The following ZMIZ2 variants were observed in gnomAD, a reference collection of about 807,000 sequenced individuals.
ZMIZ2 encodes the protein zinc finger MIZ domain-containing protein 2.
Under a neutral mutation model 93.9 loss-of-function variants are expected in ZMIZ2, and 26 were observed. The ratio of observed to expected loss-of-function variants is 0.28; its 90% CI spans 0.20 to 0.38. ZMIZ2 has a LOEUF of 0.38. ZMIZ2 is among the 10% of genes least tolerant of loss of function. The pLI, the probability that ZMIZ2 is intolerant of heterozygous loss-of-function variation, is 1.00. For missense variants in ZMIZ2, 1,023 were observed against 1,235.0 expected (o/e 0.83, Z 2.57); for synonymous variants, 485 against 516.4 (o/e 0.94, Z 0.82).
chr7:44,761,394 A>C lies in ZMIZ2; in HGVS notation c.1241-55A>C. 6.3e-7 allele frequency: 1 copy of C among 1,591,294 alleles called. No homozygotes were observed. Among genetic ancestry groups the C allele is most frequent in the Non-Finnish European group, 8.5e-7 (1 of 1,172,462 alleles). On this transcript the variant is annotated intron_variant, in intron 9 of 18. Transcript: ENST00000309315. The surrounding 1 kb of genome is among the most constrained non-coding windows in gnomAD (Gnocchi z 5.8). ...GGAGCCGCTGCCCTCCTTGAGTGAC[A>C]CAAGACGCTCTGGCTGGGGCAACCC...
At chr7:44,758,307 G>A (rs998707766) in intron 6 of ZMIZ2, among the ~76,000 whole-genome samples, 199 bp downstream of exon 6, 24 of 151,772 alleles carry the variant, frequency 1.6e-4, no homozygotes, top group African/African-American at 2.2e-4. Flanking sequence ...TGGCGAAACC[G>A]TGTCTCTACA....
rs11323295 is a variant in ZMIZ2, at chr7:44,760,848, TAA to T, written c.1240+272_1240+273del. Among the ~76,000 whole-genome samples the T allele has an allele frequency of 5.0e-3, 679 of 136,034 alleles. 2 individuals carry two copies. Among genetic ancestry groups the T allele is most frequent in the Middle Eastern group, 7.6e-3 (2 of 264 alleles). The allele number at this position is 136,034 out of a possible 152,430, so 89.2% of individuals were successfully genotyped here. A position where few individuals can be genotyped will look rare whatever the true frequency, so the allele number is the denominator to read the frequency against. ...TGGGTCCCAAAGCAAGACCCTGTCT[TAA>T]AAAAAAAAAAAAAAAAGGCCAAGGA... On this transcript the variant is annotated intron_variant, in intron 9 of 18. Transcript: ENST00000309315.
rs1791666285 is a variant in ZMIZ2, at chr7:44,765,931, T to C, written c.2243-233T>C. ...GCGTGGTGCGTTTGTTTGTGGCTGCTCCCATTCCTATAACCTCCGAGACCT... is the reference window on the plus strand; with the variant it reads ...GCGTGGTGCGTTTGTTTGTGGCTGCCCCCATTCCTATAACCTCCGAGACCT... On this transcript the variant is annotated intron_variant, in intron 16 of 18. Transcript: ENST00000309315. This position sits in a 1 kb window ranked among gnomAD's most constrained non-coding sequence, Gnocchi z 4.1. 1 of 1,397,798 alleles carries C rather than the reference T, an allele frequency of 7.2e-7. No individual in the cohort carries two copies. Among genetic ancestry groups the C allele is most frequent in the African/African-American group, 1.5e-5 (1 of 68,808 alleles). The allele number at this position is 1,397,798 out of a possible 1,614,324, so 86.6% of individuals were successfully genotyped here.
chr7:44,764,380 C>T, intron 13 of ZMIZ2, 39 bp from the exon 14 acceptor site: 1 of 1,606,100 alleles, frequency 6.2e-7, no homozygotes, highest in Non-Finnish European at 8.5e-7. Flanking sequence ...CCTGTGCTAC[C>T]CACAATGAGA....
rs1791375912 is a variant in ZMIZ2, at chr7:44,763,154, G to T, written c.1703-102G>T. On this transcript the variant is annotated intron_variant, in intron 12 of 18. Transcript: ENST00000309315. This position sits in a 1 kb window ranked among gnomAD's most constrained non-coding sequence, Gnocchi z 5.6. ...TAGTTCCAGGTGGCCCCTCAGAGCTGTCAGTGGGTCAGTGACTGGGTCCCT... is the reference window on the plus strand; with the variant it reads ...TAGTTCCAGGTGGCCCCTCAGAGCTTTCAGTGGGTCAGTGACTGGGTCCCT... 6.5e-7 allele frequency: 1 copy of T among 1,537,124 alleles called. No homozygotes were observed. The highest frequency in any genetic ancestry group is 8.9e-7 in the Non-Finnish European group (1 of 1,129,562).
intron 6 of ZMIZ2, 124 bp downstream of exon 6, chr7:44,758,232 C>A: frequency 7.8e-7 from 1 of 1,287,494 alleles, no homozygotes; most frequent in Non-Finnish European, 1.0e-6. Flanking sequence ...GTAGTCCCTG[C>A]ACTTTGGGAA....
chr7:44,762,071 A>G (rs945276251), intron 11 of ZMIZ2, among the ~76,000 whole-genome samples, 166 bp downstream of exon 11: 1 of 152,276 alleles, frequency 6.6e-6, no homozygotes, highest in Middle Eastern at 3.4e-3. Context: ...GCACCATCAG[A>G]TCATGCCGCC....
chr7:44,751,399 T>C (rs544640931), intron 1 of ZMIZ2, among the ~76,000 whole-genome samples: 2 of 152,228 alleles, frequency 1.3e-5, no homozygotes, highest in Non-Finnish European at 2.9e-5. Context: ...GAGCTGGTTT[T>C]GATGTGCTGC....
At position 44,768,972 on chromosome 7, in the gene ZMIZ2, C is replaced by T. The variant is rs1397106434; in HGVS notation, c.*1349C>T. The T allele has an allele frequency of 6.6e-6, 1 of 152,668 alleles. No individual in the cohort carries two copies. Among genetic ancestry groups the T allele is most frequent in the African/African-American group, 2.4e-5 (1 of 41,474 alleles). 9.5% of individuals were successfully genotyped at this position (152,668 alleles called of 1,614,324 possible). A position where few individuals can be genotyped will look rare whatever the true frequency, so the allele number is the denominator to read the frequency against. ...GCATCCCAGGCTTGCCCAGGAGAGA[C>T]ATTTGCCACTATGTCACCTTATCTG... On this transcript the variant is annotated 3_prime_UTR_variant, in exon 19 of 19. Coordinates refer to ENST00000309315, the MANE Select transcript of ZMIZ2 (RefSeq NM_031449.4).
chr7:44,754,908 A>G (rs1790462223), intron 1 of ZMIZ2, among the ~76,000 whole-genome samples: 1 of 152,150 alleles, frequency 6.6e-6, no homozygotes, highest in South Asian at 2.1e-4. Flanking sequence ...AGAGGTGGAC[A>G]TGTCAGGTGG....
In ZMIZ2 at chr7:44,768,132, A is replaced by C; in HGVS notation, c.*509A>C. On this transcript the variant is annotated 3_prime_UTR_variant, in exon 19 of 19. Transcript: ENST00000309315. ...AGTCCAGCTCTTGGAACCTCGCTGA[A>C]TGGCAGCCTCTTGGGGGCCTGGAGC... 1 of 163,316 alleles carries C rather than the reference A, an allele frequency of 6.1e-6. No homozygotes were observed. The highest frequency in any genetic ancestry group is 1.3e-5 in the Non-Finnish European group (1 of 74,956). 10.1% of individuals were successfully genotyped at this position (163,316 alleles called of 1,614,324 possible).
In ZMIZ2 at chr7:44,768,485, T is replaced by A. The variant is rs747115876; in HGVS notation, c.*862T>A. On this transcript the variant is annotated 3_prime_UTR_variant, in exon 19 of 19. Transcript: ENST00000309315. ...TTCTCTAGCGGGCTGCGCTCCCAAG[T>A]TCCCCTTCTCTGTGAAAGTGAAGAA... 1.3e-5 allele frequency: 2 copies of A among 152,242 alleles called. No homozygotes were observed. Among genetic ancestry groups the A allele is most frequent in the Non-Finnish European group, 1.5e-5 (1 of 68,096 alleles). 9.4% of individuals were successfully genotyped at this position (152,242 alleles called of 1,614,324 possible). A position where few individuals can be genotyped will look rare whatever the true frequency, so the allele number is the denominator to read the frequency against.
rs1398104929 is a variant in ZMIZ2 at position 44,757,143 on chromosome 7, C to T, written c.362C>T (p.Thr121Ile). 1 of 1,596,514 alleles carries T rather than the reference C, an allele frequency of 6.3e-7. No individual in the cohort carries two copies. The highest frequency in any genetic ancestry group is 2.2e-5 in the East Asian group (1 of 44,776). ...GGCTACCCTGGGGCCCCCGGCTTCA[C>T]CACCGGGTAAGCAAGTTCCCTCACC... ...RGGYPGAPGF[T>I]TGYAGGPGGL... The change falls in exon 4 of 19, where the codon ACC becomes ATC. Residue 121 changes from threonine (T) to isoleucine (I), a missense_variant. Thr to Ile is a moderately conservative substitution (Grantham distance 89). This residue lies in a region of ZMIZ2 where 656 missense variants were observed against 777.1 expected (regional missense o/e 0.84). Transcript: ENST00000309315.
Position 44,759,100 on chromosome 7 carries a change from A to AAC in ZMIZ2, c.814-180_814-179insCA, listed in dbSNP as rs1222926806. On this transcript the variant is annotated intron_variant, in intron 6 of 18. Transcript: ENST00000309315. ...GTCTCAAATTAAAAAAAAAAAAAAA[A>AAC]AAAAAAACAGGCTTCTGCATGTGAG... Among the ~76,000 whole-genome samples the AAC allele has an allele frequency of 3.7e-4, 55 of 150,432 alleles. 1 individual carries two copies. Among genetic ancestry groups the AAC allele is most frequent in the African/African-American group, 1.3e-3 (54 of 40,958 alleles).
At position 44,766,734 on chromosome 7, in the gene ZMIZ2, C is replaced by G. The variant is rs1182779766; in HGVS notation, c.2655+71C>G. The G allele has an allele frequency of 6.3e-7, 1 of 1,580,866 alleles. No individual in the cohort carries two copies. The highest frequency in any genetic ancestry group is 8.6e-7 in the Non-Finnish European group (1 of 1,160,194). On this transcript the variant is annotated intron_variant, in intron 18 of 18. Transcript: ENST00000309315. The surrounding 1 kb of genome is among the most constrained non-coding windows in gnomAD (Gnocchi z 4.4). Reference sequence around the variant, plus strand: ...AGAGGTGGTGTGTCTGTTCCAGGTGCGTTCTGGAAGGGAAGACAGTGACCC... The same window carrying G: ...AGAGGTGGTGTGTCTGTTCCAGGTGGGTTCTGGAAGGGAAGACAGTGACCC...
At chr7:44,749,302 G>A (rs958160646) in intron 1 of ZMIZ2, among the ~76,000 whole-genome samples, 4 of 152,134 alleles carry the variant, frequency 2.6e-5, no homozygotes, top group African/African-American at 9.7e-5. Context: ...TGGCCGAGGG[G>A]TGTAAGCGGC....
chr7:44,751,938 G>A lies in ZMIZ2; in HGVS notation c.-63+2947G>A, dbSNP rs1055372573. Reference sequence around the variant, plus strand: ...GATCGTGCCACTGCACTCCAGCCTCGGTGAAAGAGCAAGATTCCATCTCAA... The same window carrying A: ...GATCGTGCCACTGCACTCCAGCCTCAGTGAAAGAGCAAGATTCCATCTCAA... On this transcript the variant is annotated intron_variant, in intron 1 of 18. Coordinates refer to ENST00000309315, the MANE Select transcript of ZMIZ2 (RefSeq NM_031449.4). Among the ~76,000 whole-genome samples the A allele has an allele frequency of 5.3e-5, 8 of 151,738 alleles. No homozygotes were observed. The South Asian group carries it at 6.3e-4, about 12-fold the overall frequency.
At position 44,757,124 on chromosome 7, in the gene ZMIZ2, C is replaced by T. The variant is rs749496743; in HGVS notation, c.343C>T (p.Pro115Ser). The stretch of plus-strand genomic sequence containing the variant: ...AGGCGTGTACAGCCGCGGGGGCTAC[C>T]CTGGGGCCCCCGGCTTCACCACCGG... ...QQGVYSRGGYPGAPGFTTGYA... is the reference protein window; with the variant it reads ...QQGVYSRGGYSGAPGFTTGYA... Residue 115 changes from proline (P) to serine (S), a missense_variant, in exon 4 of 19, where the codon CCT (proline) becomes TCT (serine). Physicochemically the swap from Pro to Ser is moderately conservative, Grantham distance 74. Around this residue, in one of 3 missense-constraint regions of ZMIZ2, gnomAD observed 656 missense variants for 777.1 expected, o/e 0.84. Coordinates refer to ENST00000309315, the MANE Select transcript of ZMIZ2 (RefSeq NM_031449.4). 6.3e-7 allele frequency: 1 copy of T among 1,596,124 alleles called. No individual in the cohort carries two copies. Among genetic ancestry groups the T allele is most frequent in the Non-Finnish European group, 8.5e-7 (1 of 1,176,102 alleles).
At chr7:44,764,032 C>G (rs768354192) in intron 13 of ZMIZ2, among the ~76,000 whole-genome samples, 2 of 152,030 alleles carry the variant, frequency 1.3e-5, no homozygotes, top group African/African-American at 4.8e-5. Context: ...CAGCCACTTA[C>G]GAGGCTGAGG....
Sources: gnomAD v4.1 joint callset for allele counts (sites outside exome capture counted in the v4.1 genomes callset) on GRCh38, gnomAD v4.1.1 for gene constraint, gnomAD v4.1.1 regional missense constraint, Gnocchi (gnomAD v3.1) non-coding constraint, MANE v1.5 for transcripts, NCBI Gene and HGNC (gene_info 2026-07-23, HGNC 2026-07-21) for gene names.